SMG1: variants seen among roughly 807,000 people sequenced by gnomAD.
The protein encoded by SMG1 is serine/threonine-protein kinase SMG1.
In SMG1, 22 loss-of-function variants were observed where a neutral mutation model predicts 419.9. That is an observed-to-expected ratio of 0.05 (90% CI 0.04 to 0.07). The LOEUF (loss-of-function observed/expected upper bound fraction) is 0.07. Among genes scored for constraint, SMG1 ranks in the 10% least tolerant of loss-of-function variants. SMG1 has a pLI of 1.00. For missense variants in SMG1, 3,185 were observed against 4,342.0 expected (o/e 0.73, Z 7.49); for synonymous variants, 1,538 against 1,553.5 (o/e 0.99, Z 0.23).
chr16:18,845,665 C>T lies in SMG1; in HGVS notation c.5997-14G>A. 6.3e-7 allele frequency: 1 copy of T among 1,588,012 alleles called. No homozygotes were observed. The highest frequency in any genetic ancestry group is 8.6e-7 in the Non-Finnish European group (1 of 1,165,878). Reference sequence around the variant, plus strand: ...ATTTTCTCTTCTCTGACCAAGAAGACATTTTTATTCAAAAACTTAAATGTG... The same window carrying T: ...ATTTTCTCTTCTCTGACCAAGAAGATATTTTTATTCAAAAACTTAAATGTG... On this transcript the variant is annotated splice_polypyrimidine_tract_variant and intron_variant, in intron 38 of 62. Coordinates refer to ENST00000446231, the MANE Select transcript of SMG1 (RefSeq NM_015092.5).
intron 51 of SMG1, among the ~76,000 whole-genome samples, chr16:18,831,302 G>T (rs992300112): frequency 6.6e-6 from 1 of 152,136 alleles, no homozygotes; most frequent in African/African-American, 2.4e-5. Flanking sequence ...AGAGCTGTAA[G>T]ATGGTATGAG....
intron 46 of SMG1, 133 bp from the exon 47 acceptor site, chr16:18,836,665 G>A (rs757707585): frequency 4.7e-5 from 40 of 849,898 alleles, no homozygotes; most frequent in Non-Finnish European, 6.7e-5. Flanking sequence ...CTCCTCAAAT[G>A]TCCCTTACTT....
chr16:18,859,392 T>C (rs1312450768), intron 27 of SMG1, 164 bp downstream of exon 27: 3 of 721,476 alleles, frequency 4.2e-6, no homozygotes, highest in Non-Finnish European at 6.7e-6. Context: ...TCAGTTTATG[T>C]TGGCAAGCAG....
Position 18,885,455 on chromosome 16 carries a change from A to ATTG in SMG1, c.948+83_948+85dup, listed in dbSNP as rs1014020588. ...TGATTATATTCAAAGGAGCTGAGGCATTGTTTTCCATCTGTTTCCTCAGAT... is the reference window on the plus strand; with the variant it reads ...TGATTATATTCAAAGGAGCTGAGGCATTGTTGTTTTCCATCTGTTTCCTCAGAT... On this transcript the variant is annotated intron_variant, in intron 7 of 62. Transcript: ENST00000446231. 2.6e-5 allele frequency: 40 copies of ATTG among 1,515,534 alleles called. No individual in the cohort carries two copies. In the African/African-American group the frequency reaches 5.1e-4, roughly 19 times the overall value. 93.9% of individuals were successfully genotyped at this position (1,515,534 alleles called of 1,614,324 possible).
chr16:18,879,861 T>G, intron 10 of SMG1, 142 bp from the exon 11 acceptor site: 3 of 757,066 alleles, frequency 4.0e-6, no homozygotes, highest in Non-Finnish European at 6.6e-6. Flanking sequence ...TAGTTCTCAG[T>G]AGTTGAATAA....
Position 18,836,198 on chromosome 16 carries a change from C to A in SMG1, c.7792G>T (p.Val2598Leu). Residue 2598 changes from valine (V) to leucine (L), a missense_variant, in exon 48 of 63, where the codon GTG becomes TTG. Physicochemically the swap from Val to Leu is conservative, Grantham distance 32. Around this residue, in one of 27 missense-constraint regions of SMG1, gnomAD observed 412 missense variants for 546.6 expected, o/e 0.75. Coordinates refer to ENST00000446231, the MANE Select transcript of SMG1 (RefSeq NM_015092.5). ...TTCTGCAGAAAGGCTGTTGCTGGCA[C>A]GTAACTTGGAGGACCTTTTGGTAAA... is the stretch of plus-strand genomic sequence containing the variant. ...TQMDLGPPSYVPATAFLQNAG... is the reference protein window; with the variant it reads ...TQMDLGPPSYLPATAFLQNAG... The A allele has an allele frequency of 6.2e-7, 1 of 1,611,736 alleles. No homozygotes were observed. The highest frequency in any genetic ancestry group is 1.3e-5 in the African/African-American group (1 of 74,990).
In SMG1 at chr16:18,812,122, G is replaced by T. The variant is rs969968224; in HGVS notation, c.10627C>A (p.Arg3543=). The change falls in exon 61 of 63, where the codon CGG becomes AGG. Residue 3543 remains arginine (R), a synonymous_variant. Transcript: ENST00000446231. ...TGAGTCTTCTGGCCAGTGTTACTCC[G>T]GACTGCTACAGAGAAAGAGTTGGTG... ...TYQPSFAAAV[R]SNTGQKTQPD... 3.7e-6 allele frequency: 6 copies of T among 1,610,806 alleles called. No homozygotes were observed. Among genetic ancestry groups the T allele is most frequent in the African/African-American group, 1.3e-5 (1 of 74,784 alleles).
chr16:18,844,088 G>C (rs979726422), intron 39 of SMG1, among the ~76,000 whole-genome samples: 1 of 151,216 alleles, frequency 6.6e-6, no homozygotes, highest in Admixed American at 6.6e-5. Flanking sequence ...TTTCTAATTT[G>C]ATTTACTGAA....
intron 60 of SMG1, among the ~76,000 whole-genome samples, chr16:18,814,116 G>C (rs2031758118): frequency 6.9e-6 from 1 of 145,386 alleles, no homozygotes; most frequent in African/African-American, 2.5e-5. Flanking sequence ...AAATAAATTG[G>C]CCATTAAGTC....
intron 1 of SMG1, among the ~76,000 whole-genome samples, chr16:18,899,370 A>G (rs74011696): frequency 0.017 from 2,517 of 152,228 alleles, 72 homozygotes; most frequent in African/African-American, 0.058. Context: ...TTTCAGAAAT[A>G]TAACAAAAAA....
In SMG1 at chr16:18,849,393, G is replaced by A. The variant is rs781095937; in HGVS notation, c.5462-15C>T. 1 of 1,604,198 alleles carries A rather than the reference G, an allele frequency of 6.2e-7. No homozygotes were observed. Among genetic ancestry groups the A allele is most frequent in the Non-Finnish European group, 8.5e-7 (1 of 1,173,400 alleles). The stretch of plus-strand genomic sequence containing the variant: ...CGGAATAATTCCTTCAGGACAAGAA[G>A]AGAGAAAGACACTTTAAAGTTATTT... On this transcript the variant is annotated splice_polypyrimidine_tract_variant and intron_variant, in intron 35 of 62. Coordinates refer to ENST00000446231, the MANE Select transcript of SMG1 (RefSeq NM_015092.5).
intron 24 of SMG1, 35 bp from the exon 25 acceptor site, chr16:18,863,886 T>C (rs1259078179): frequency 1.3e-6 from 2 of 1,591,930 alleles, no homozygotes; most frequent in East Asian, 2.2e-5. Flanking sequence ...AGAGAGAGAT[T>C]CAGATCAGTT....
In SMG1 at chr16:18,852,384, G is replaced by T. The variant is rs1402485489; in HGVS notation, c.4847C>A (p.Ala1616Asp). The change falls in exon 32 of 63, where the codon GCC becomes GAC. Residue 1616 changes from alanine (A) to aspartate (D), a missense_variant. Transcript: ENST00000446231. ...GCTGGCCAACGCTGCCCAAGATTTGGCTACTTCAGGTGCCTGTACTGAAGA... is the reference window on the plus strand; with the variant it reads ...GCTGGCCAACGCTGCCCAAGATTTGTCTACTTCAGGTGCCTGTACTGAAGA... The part of the protein sequence containing the change: ...HLSSVQAPEV[A>D]KSWAALASWA... 3.1e-6 allele frequency: 5 copies of T among 1,613,690 alleles called. No homozygotes were observed.
chr16:18,867,184 T>C (rs968308425), intron 22 of SMG1, among the ~76,000 whole-genome samples: 3 of 152,226 alleles, frequency 2.0e-5, no homozygotes, highest in African/African-American at 7.2e-5. Context: ...CAGTTATTTA[T>C]TGTGAGCCCA....
chr16:18,810,531 C>T (rs186585036), intron 62 of SMG1, among the ~76,000 whole-genome samples: 48 of 152,186 alleles, frequency 3.2e-4, no homozygotes, highest in African/African-American at 1.0e-3. Flanking sequence ...ATGGGTTTAT[C>T]GGGGTATTAA....
intron 41 of SMG1, 74 bp from the exon 42 acceptor site, chr16:18,840,020 A>G: frequency 8.2e-7 from 1 of 1,222,470 alleles, no homozygotes; most frequent in South Asian, 1.6e-5. Context: ...TTTTGTATGT[A>G]AAGTAGAATT....
intron 26 of SMG1, among the ~76,000 whole-genome samples, chr16:18,860,329 T>C (rs1165202864): frequency 6.6e-6 from 1 of 152,274 alleles, no homozygotes; most frequent in Non-Finnish European, 1.5e-5. Flanking sequence ...AATAACATTT[T>C]ATAAAGTGTT....
intron 29 of SMG1, 63 bp downstream of exon 29, chr16:18,858,107 T>C (rs1372264733): frequency 3.5e-6 from 5 of 1,446,854 alleles, no homozygotes; most frequent in Non-Finnish European, 4.6e-6. Flanking sequence ...TAAACCTCAA[T>C]AAAGCAAAAT....
intron 1 of SMG1, among the ~76,000 whole-genome samples, chr16:18,923,918 A>T (rs2038291879): frequency 6.6e-6 from 1 of 152,118 alleles, no homozygotes. Context: ...AGGTATTTTT[A>T]TTGACTAACA....
Sources: gnomAD v4.1 joint callset for allele counts (sites outside exome capture counted in the v4.1 genomes callset) on GRCh38, gnomAD v4.1.1 for gene constraint, gnomAD v4.1.1 regional missense constraint, MANE v1.5 for transcripts, NCBI Gene and HGNC (gene_info 2026-07-23, HGNC 2026-07-21) for gene names.